Variants in PSMD14 observed in about 807,000 individuals in gnomAD.
PSMD14 encodes proteasome 26S subunit, non-ATPase 14.
PSMD14 carries 7 observed loss-of-function variants against 41.2 expected under a neutral mutation model. The observed-to-expected ratio is 0.17, with a 90% CI of 0.10 to 0.32. PSMD14 has a LOEUF of 0.32. PSMD14 is among the 10% of genes least tolerant of loss of function. The pLI, the probability that PSMD14 is intolerant of heterozygous loss-of-function variation, is 1.00. For missense variants in PSMD14, 139 were observed against 375.6 expected (o/e 0.37, Z 5.21); for synonymous variants, 114 against 122.3 (o/e 0.93, Z 0.45).
chr2:161,394,402 GC>G (rs1177543577), intron 9 of PSMD14, among the ~76,000 whole-genome samples: 1 of 152,048 alleles, frequency 6.6e-6, no homozygotes. Context: ...CCTAATACAA[GC>G]CCCTTAATTC....
intron 3 of PSMD14, among the ~76,000 whole-genome samples, chr2:161,336,158 TCTCCACCTTTTATTCATTTA>T (rs1327748361): frequency 1.0e-3 from 54 of 52,530 alleles, no homozygotes; most frequent in Non-Finnish European, 2.3e-3. Flanking sequence ...ATTCATTTGG[TCTCCACCTTTTATTCATTTA>T]ACTTACTTGA....
At chr2:161,387,604 ATATGT>A (rs1683650031) in intron 8 of PSMD14, among the ~76,000 whole-genome samples, 1 of 152,022 alleles carries the variant, frequency 6.6e-6, no homozygotes, top group Non-Finnish European at 1.5e-5. Context: ...GAAAGTTCAA[ATATGT>A]TAAGTAAGAA....
chr2:161,361,736 G>A (rs770703501), intron 3 of PSMD14, among the ~76,000 whole-genome samples: 1 of 152,166 alleles, frequency 6.6e-6, no homozygotes. Context: ...GAAAGGTAAG[G>A]TGAGTGAACC....
chr2:161,328,813 G>C (rs1320575855), intron 3 of PSMD14, among the ~76,000 whole-genome samples: 5 of 152,020 alleles, frequency 3.3e-5, no homozygotes, highest in South Asian at 2.1e-4. Flanking sequence ...GAGGCAAAAG[G>C]AACTTCAACT....
intron 3 of PSMD14, among the ~76,000 whole-genome samples, chr2:161,348,757 A>G (rs1401478840): frequency 6.6e-6 from 1 of 152,242 alleles, no homozygotes; most frequent in East Asian, 1.9e-4. Flanking sequence ...GGATGCAGTT[A>G]GTCAGGGAAA....
At chr2:161,345,999 C>T (rs908049682) in intron 3 of PSMD14, among the ~76,000 whole-genome samples, 4 of 152,148 alleles carry the variant, frequency 2.6e-5, no homozygotes, top group African/African-American at 9.7e-5. Flanking sequence ...TTAGGCGATC[C>T]TCCCACCTCA....
At position 161,365,332 on chromosome 2, in the gene PSMD14, T is replaced by G. The variant is rs577699809; in HGVS notation, c.49-2146T>G. Among the ~76,000 whole-genome samples the G allele has an allele frequency of 5.3e-5, 8 of 152,284 alleles. No individual in the cohort carries two copies. In the South Asian group the frequency reaches 1.2e-3, roughly 24 times the overall value. On this transcript the variant is annotated intron_variant, in intron 3 of 11. Coordinates refer to ENST00000409682, the MANE Select transcript of PSMD14 (RefSeq NM_005805.6). Reference sequence around the variant, plus strand: ...TGTTCCATTGGCTTGCAGTAGTACCTTAATTTATTCATTCATTCTTTCAAT... The same window carrying G: ...TGTTCCATTGGCTTGCAGTAGTACCGTAATTTATTCATTCATTCTTTCAAT...
intron 3 of PSMD14, among the ~76,000 whole-genome samples, chr2:161,359,953 A>G (rs916549748): frequency 5.9e-5 from 9 of 152,166 alleles, no homozygotes; most frequent in African/African-American, 1.9e-4. Context: ...CTTTTGTTTA[A>G]CCACACAGCT....
chr2:161,370,690 C>T (rs1683419964), intron 6 of PSMD14, among the ~76,000 whole-genome samples: 1 of 152,122 alleles, frequency 6.6e-6, no homozygotes, highest in South Asian at 2.1e-4. Context: ...TAGCAAAAGG[C>T]TCAGCAGCTG....
intron 3 of PSMD14, among the ~76,000 whole-genome samples, chr2:161,330,973 C>G (rs1682781519): frequency 6.6e-6 from 1 of 152,100 alleles, no homozygotes; most frequent in African/African-American, 2.4e-5. Flanking sequence ...AAATGCTTAT[C>G]AAAAGTAGAC....
intron 3 of PSMD14, among the ~76,000 whole-genome samples, chr2:161,345,994 C>T (rs558047611): frequency 1.4e-4 from 22 of 152,226 alleles, no homozygotes; most frequent in Admixed American, 1.1e-3. Flanking sequence ...CAGGCTTAGG[C>T]GATCCTCCCA....
In PSMD14 at chr2:161,369,956, G is replaced by A. The variant is rs1378521952; in HGVS notation, c.241-151G>A. On this transcript the variant is annotated intron_variant, in intron 5 of 11. Transcript: ENST00000409682. ...GTTGGCAATTTTAGAAGCTTGATTG[G>A]TATGAGGTTTATAATTGAATGACTT... 1.1e-5 allele frequency: 6 copies of A among 555,314 alleles called. No individual in the cohort carries two copies. The East Asian group carries it at 1.6e-4, about 15-fold the overall frequency. 34.4% of individuals were successfully genotyped at this position (555,314 alleles called of 1,614,324 possible).
intron 8 of PSMD14, 44 bp from the exon 9 acceptor site, chr2:161,391,060 G>C: frequency 7.1e-7 from 1 of 1,404,420 alleles, no homozygotes; most frequent in Non-Finnish European, 9.4e-7. Flanking sequence ...TTTATTAGGT[G>C]AAAAATATTA....
intron 3 of PSMD14, among the ~76,000 whole-genome samples, chr2:161,353,517 C>T (rs1371947163): frequency 6.6e-6 from 1 of 152,110 alleles, no homozygotes; most frequent in Non-Finnish European, 1.5e-5. Context: ...GTCTCTCTGC[C>T]TTTCAGTGTG....
chr2:161,318,709 A>G (rs944169443), intron 2 of PSMD14, 113 bp from the exon 3 acceptor site: 21 of 756,408 alleles, frequency 2.8e-5, no homozygotes, highest in Non-Finnish European at 4.8e-5. Flanking sequence ...GTTGTGTTGT[A>G]ATTACCACCA....
intron 10 of PSMD14, among the ~76,000 whole-genome samples, chr2:161,400,903 G>A (rs1201554297): frequency 6.6e-6 from 1 of 150,686 alleles, no homozygotes; most frequent in Admixed American, 6.6e-5. Context: ...AAATATAGGA[G>A]ACACTAGTCT....
chr2:161,334,382 A>G (rs988804649), intron 3 of PSMD14, among the ~76,000 whole-genome samples: 13 of 152,216 alleles, frequency 8.5e-5, no homozygotes, highest in Admixed American at 5.9e-4. Flanking sequence ...CTGCCTGGCC[A>G]CAGTGTCTTT....
At chr2:161,309,934 T>A (rs551482652) in intron 1 of PSMD14, among the ~76,000 whole-genome samples, 49 of 152,122 alleles carry the variant, frequency 3.2e-4, no homozygotes, top group Non-Finnish European at 6.0e-4. Context: ...GGTGGGCAGA[T>A]CATGAGATGA....
chr2:161,378,476 A>T (rs2105261264), intron 7 of PSMD14, among the ~76,000 whole-genome samples: 1 of 152,100 alleles, frequency 6.6e-6, no homozygotes, highest in African/African-American at 2.4e-5. Flanking sequence ...TTTCTATAGC[A>T]TAGTAACCAA....
Sources: allele counts gnomAD v4.1 joint callset (sites outside exome capture counted in the v4.1 genomes callset), GRCh38; gene constraint gnomAD v4.1.1; transcripts MANE v1.5; gene names NCBI Gene and HGNC (gene_info 2026-07-23, HGNC 2026-07-21).